Variants in CCNF observed in about 807,000 individuals in gnomAD.
The protein encoded by CCNF is cyclin-F.
In CCNF, 30 loss-of-function variants were observed where a neutral mutation model predicts 85.4. The ratio of observed to expected loss-of-function variants is 0.35; its 90% CI spans 0.26 to 0.48. CCNF has a LOEUF of 0.48. Among genes scored for constraint, CCNF ranks in the 20% least tolerant of loss-of-function variants. CCNF has a pLI of 0.99. For synonymous variants in CCNF, 439 were observed against 425.1 expected (o/e 1.03, Z -0.40); for missense variants, 919 against 1,010.4 (o/e 0.91, Z 1.23).
rs184933003 is a variant in CCNF, at chr16:2,436,934, C to T, written c.347-195C>T. ...CAGGGGCATTGATCACAATGACCCA[C>T]CTGTTCTAGACATTAATGAAGTAGG... On this transcript the variant is annotated intron_variant, in intron 4 of 16. Transcript: ENST00000397066. 1,172 of 432,570 alleles carry T rather than the reference C, an allele frequency of 2.7e-3. 2 individuals are homozygous for T. The highest frequency in any genetic ancestry group is 3.7e-3 in the Non-Finnish European group (896 of 244,226). 26.8% of individuals were successfully genotyped at this position (432,570 alleles called of 1,614,324 possible).
intron 2 of CCNF, among the ~76,000 whole-genome samples, chr16:2,431,628 C>T (rs1049242668): frequency 1.4e-5 from 2 of 144,722 alleles, no homozygotes; most frequent in African/African-American, 2.6e-5. Context: ...TGCAGTGAGC[C>T]GAGATCACAT....
At position 2,456,523 on chromosome 16, in the gene CCNF, C is replaced by G. The variant is rs953595225; in HGVS notation, c.1886-22C>G. 1 of 1,497,270 alleles carries G rather than the reference C, an allele frequency of 6.7e-7. No individual in the cohort carries two copies. The highest frequency in any genetic ancestry group is 8.9e-7 in the Non-Finnish European group (1 of 1,120,972). 92.7% of individuals were successfully genotyped at this position (1,497,270 alleles called of 1,614,324 possible). A position where few individuals can be genotyped will look rare whatever the true frequency, so the allele number is the denominator to read the frequency against. ...GATGCTTGGGTGTGACATGACTTCCCTCCCCACCAACCTTCCTGCAGTGAC... is the reference window on the plus strand; with the variant it reads ...GATGCTTGGGTGTGACATGACTTCCGTCCCCACCAACCTTCCTGCAGTGAC... On this transcript the variant is annotated intron_variant, in intron 16 of 16. Transcript: ENST00000397066. The surrounding 1 kb of genome is among the most constrained non-coding windows in gnomAD (Gnocchi z 4.5).
intron 10 of CCNF, among the ~76,000 whole-genome samples, chr16:2,447,348 G>T (rs577583989): frequency 6.6e-6 from 1 of 151,792 alleles, no homozygotes; most frequent in African/African-American, 2.4e-5. Context: ...ACTTTGGGAG[G>T]CTGATGTGGG....
At chr16:2,433,842 C>G (rs1426351304) in intron 3 of CCNF, among the ~76,000 whole-genome samples, 1 of 152,192 alleles carries the variant, frequency 6.6e-6, no homozygotes, top group African/African-American at 2.4e-5. Context: ...GGGCATTTTT[C>G]TGACAGGGAT....
intron 16 of CCNF, 42 bp downstream of exon 16, chr16:2,455,606 G>C (rs778412673): frequency 6.4e-6 from 10 of 1,562,108 alleles, no homozygotes; most frequent in South Asian, 1.2e-5. Context: ...ACATCACACA[G>C]AGGGTGGCTC....
In CCNF at chr16:2,435,956, C is replaced by A; in HGVS notation, c.346+83C>A. 2.0e-6 allele frequency: 2 copies of A among 983,582 alleles called. 1 individual carries two copies. The highest frequency in any genetic ancestry group is 3.7e-5 in the Admixed American group (2 of 53,782). 60.9% of individuals were successfully genotyped at this position (983,582 alleles called of 1,614,324 possible). ...TATGAAGAAGTGGTCCCCGTGTTAGCAGTTCAGTTGCTGTCCTTGCTCTAT... is the reference window on the plus strand; with the variant it reads ...TATGAAGAAGTGGTCCCCGTGTTAGAAGTTCAGTTGCTGTCCTTGCTCTAT... On this transcript the variant is annotated intron_variant, in intron 4 of 16. Coordinates refer to ENST00000397066, the MANE Select transcript of CCNF (RefSeq NM_001761.3).
At chr16:2,433,169 C>A in intron 3 of CCNF, 102 bp downstream of exon 3, 1 of 720,416 alleles carries the variant, frequency 1.4e-6, no homozygotes, top group Non-Finnish European at 2.4e-6. Flanking sequence ...TTTCCTGTTG[C>A]TGTCTCCCAT....
chr16:2,438,250 G>A (rs1428866917), intron 6 of CCNF, 127 bp downstream of exon 6: 5 of 779,530 alleles, frequency 6.4e-6, no homozygotes, highest in Non-Finnish European at 1.1e-5. Flanking sequence ...TGCCCAGAAA[G>A]GCCTAGCTGG....
chr16:2,439,021 G>C (rs1374280799), intron 6 of CCNF, among the ~76,000 whole-genome samples: 2 of 151,988 alleles, frequency 1.3e-5, no homozygotes, highest in East Asian at 3.9e-4. Context: ...AAACCAGCCA[G>C]GCACAGTGGC....
intron 13 of CCNF, among the ~76,000 whole-genome samples, chr16:2,450,955 G>A (rs1378494354): frequency 2.0e-5 from 3 of 152,196 alleles, no homozygotes; most frequent in Non-Finnish European, 4.4e-5. Context: ...GGTCCCTTGC[G>A]CCGTCGTGCC....
At position 2,437,295 on chromosome 16, in the gene CCNF, C is replaced by T. The variant is rs749212697; in HGVS notation, c.513C>T (p.Ser171=). ...GCTGCAAGGCCGTGGTTCACGAGAG[C>T]CTCAGGGCAGAGTGCCAGCTGCAGA... ...GSCCKAVVHE[S]LRAECQLQRT... Residue 171 remains serine, a synonymous_variant, in exon 5 of 17, where the codon AGC becomes AGT. Transcript: ENST00000397066. The T allele has an allele frequency of 2.5e-6, 4 of 1,601,394 alleles. No individual in the cohort carries two copies. Among genetic ancestry groups the T allele is most frequent in the Non-Finnish European group, 3.4e-6 (4 of 1,174,968 alleles).
chr16:2,431,460 C>T lies in CCNF; in HGVS notation c.171+176C>T, dbSNP rs552665734. Among the ~76,000 whole-genome samples, 3 of 152,156 alleles carry T rather than the reference C, an allele frequency of 2.0e-5. No homozygotes were observed. In the East Asian group the frequency reaches 5.8e-4, roughly 30 times the overall value. ...TGGGAGGCCGAAGGGGGGTGGATCA[C>T]CTGAGGTCAGGAGTTCCAGACCAGC... On this transcript the variant is annotated intron_variant, in intron 2 of 16. Coordinates refer to ENST00000397066, the MANE Select transcript of CCNF (RefSeq NM_001761.3).
At chr16:2,437,470 C>T (rs376090217) in intron 5 of CCNF, 148 bp downstream of exon 5, 9 of 609,112 alleles carry the variant, frequency 1.5e-5, no homozygotes, top group African/African-American at 5.6e-5. Context: ...ATATGGGGAA[C>T]GCATCTGGAA....
chr16:2,445,289 C>A, intron 9 of CCNF, 169 bp from the exon 10 acceptor site: 1 of 708,308 alleles, frequency 1.4e-6, no homozygotes, highest in Non-Finnish European at 2.4e-6. Flanking sequence ...ACCCACGGAG[C>A]CTCCCGGGCT....
At chr16:2,432,175 A>C (rs1050144239) in intron 2 of CCNF, among the ~76,000 whole-genome samples, 14 of 152,212 alleles carry the variant, frequency 9.2e-5, no homozygotes, top group African/African-American at 3.1e-4. Flanking sequence ...CTTAAAAAAT[A>C]GGATAGTGTT....
chr16:2,446,582 G>A (rs1193471649), intron 10 of CCNF, among the ~76,000 whole-genome samples: 3 of 152,242 alleles, frequency 2.0e-5, no homozygotes, highest in Admixed American at 1.3e-4. Flanking sequence ...CCCCAGCATG[G>A]TCTACATTTC....
In CCNF at chr16:2,451,275, G is replaced by A. The variant is rs1276623149; in HGVS notation, c.1487+1360G>A. Among the ~76,000 whole-genome samples, 4 of 152,200 alleles carry A rather than the reference G, an allele frequency of 2.6e-5. No homozygotes were observed. The highest frequency in any genetic ancestry group is 4.4e-5 in the Non-Finnish European group (3 of 68,016). ...GCGACTCCCTTCAGGGAGCGTAGCCGGGGTCACCTGGGCATCTGAGTCCAG... is the reference window on the plus strand; with the variant it reads ...GCGACTCCCTTCAGGGAGCGTAGCCAGGGTCACCTGGGCATCTGAGTCCAG... On this transcript the variant is annotated intron_variant, in intron 13 of 16. Transcript: ENST00000397066. The surrounding 1 kb of genome is among the most constrained non-coding windows in gnomAD (Gnocchi z 4.3).
rs762603366 is a variant in CCNF at position 2,439,813 on chromosome 16, G to A, written c.764G>A (p.Cys255Tyr). The A allele has an allele frequency of 1.9e-6, 3 of 1,614,152 alleles. No homozygotes were observed. Among genetic ancestry groups the A allele is most frequent in the Admixed American group, 3.3e-5 (2 of 60,026 alleles). ...CTCAGGGACTACGCTGCCAAAGGCT[G>A]CTGGGAAGCGCAGGTGAGGTGCGGG... ...RKLRDYAAKG[C>Y]WEAQLSLAKA... The change falls in exon 8 of 17, where the codon TGC (cysteine) becomes TAC (tyrosine). Residue 255 changes from cysteine to tyrosine, a missense_variant. By Grantham distance (194) the Cys-to-Tyr change is radical (BLOSUM62 -2). Transcript: ENST00000397066.
chr16:2,442,237 G>A (rs2141821102), intron 8 of CCNF, among the ~76,000 whole-genome samples: 2 of 139,062 alleles, frequency 1.4e-5, no homozygotes, highest in African/African-American at 5.3e-5. Context: ...TGGATCTCCT[G>A]ACTTCGTGAT....
Sources: allele counts gnomAD v4.1 joint callset (sites outside exome capture counted in the v4.1 genomes callset), GRCh38; gene constraint gnomAD v4.1.1; non-coding constraint Gnocchi (gnomAD v3.1); transcripts MANE v1.5; gene names NCBI Gene and HGNC (gene_info 2026-07-23, HGNC 2026-07-21).